ITGA7: variants seen among roughly 807,000 people sequenced by gnomAD.
The protein encoded by ITGA7 is integrin alpha-7.
Under a neutral mutation model 131.6 loss-of-function variants are expected in ITGA7, and 84 were observed. That is an observed-to-expected ratio of 0.64 (90% CI 0.54 to 0.77). The LOEUF is 0.77. Ranked by LOEUF, ITGA7 falls within the 30% of genes least tolerant of loss-of-function variation. The pLI is 0.00. For missense variants in ITGA7, 1,399 were observed against 1,482.9 expected, an observed-to-expected ratio of 0.94 and a Z score of 0.93; for synonymous variants, 548 against 600.7, an observed-to-expected ratio of 0.91 and a Z score of 1.28.
Position 55,698,804 on chromosome 12 carries a change from C to T in ITGA7, c.904G>A (p.Ala302Thr), listed in dbSNP as rs750041574. The change falls in exon 6 of 25, where the codon GCC (alanine) becomes ACC (threonine). Residue 302 changes from alanine to threonine, a missense_variant. Ala to Thr is a moderately conservative substitution (Grantham distance 58). Coordinates refer to ENST00000257879, the MANE Select transcript of ITGA7 (RefSeq NM_002206.3). Reference protein sequence around the residue: ...GAVVILRKDSASRLVPEVMLS... With the variant: ...GAVVILRKDSTSRLVPEVMLS... ...ATAACCTCGGGCACCAGGCGACTGGCGCTGTCCTTGCGCAGGATGACCACA... is the reference window on the plus strand; with the variant it reads ...ATAACCTCGGGCACCAGGCGACTGGTGCTGTCCTTGCGCAGGATGACCACA... The T allele has an allele frequency of 6.2e-6, 10 of 1,613,990 alleles. No homozygotes were observed. The highest frequency in any genetic ancestry group is 7.6e-6 in the Non-Finnish European group (9 of 1,180,028).
At chr12:55,693,360 C>CTTT in intron 19 of ITGA7, 43 bp from the exon 20 acceptor site, 39 of 1,221,626 alleles carry the variant, frequency 3.2e-5, no homozygotes, top group Non-Finnish European at 4.1e-5. Flanking sequence ...CTCAGTTTTT[C>CTTT]TTTTTTTTTT....
At position 55,700,924 on chromosome 12, in the gene ITGA7, C is replaced by G; in HGVS notation, c.645G>C (p.Gly215=). The part of the protein sequence containing the change: ...FSPDSHYLLF[G]APGTYNWKGL... Reference sequence around the variant, plus strand: ...CCTTCCAATTATAGGTTCCTGGGGCCCCAAAGAGGAGGTAGTGGCTATCAG... The same window carrying G: ...CCTTCCAATTATAGGTTCCTGGGGCGCCAAAGAGGAGGTAGTGGCTATCAG... The change falls in exon 4 of 25, where the codon GGG becomes GGC. Residue 215 remains glycine, a synonymous_variant. Coordinates refer to ENST00000257879, the MANE Select transcript of ITGA7 (RefSeq NM_002206.3). 1.2e-6 allele frequency: 2 copies of G among 1,614,180 alleles called. No individual in the cohort carries two copies. Among genetic ancestry groups the G allele is most frequent in the Non-Finnish European group, 1.7e-6 (2 of 1,180,026 alleles).
chr12:55,696,820 A>G (rs1397445788), intron 12 of ITGA7, 79 bp downstream of exon 12: 1 of 1,534,830 alleles, frequency 6.5e-7, no homozygotes, highest in Non-Finnish European at 9.0e-7. Flanking sequence ...TGTGCTCGGG[A>G]AAAAGCAGCT....
At chr12:55,697,659 C>G (rs756617940) in intron 9 of ITGA7, 36 bp downstream of exon 9, 1 of 1,614,038 alleles carries the variant, frequency 6.2e-7, no homozygotes, top group Non-Finnish European at 8.5e-7. Context: ...GAGGGGCTGA[C>G]GGCCTCAGGG....
At chr12:55,705,217 T>C (rs377079106) in intron 1 of ITGA7, among the ~76,000 whole-genome samples, 8 of 152,078 alleles carry the variant, frequency 5.3e-5, no homozygotes, top group Admixed American at 4.6e-4. Flanking sequence ...AAGAGACCAA[T>C]CGATCCTTAG....
chr12:55,694,398 A>C lies in ITGA7; in HGVS notation c.2357+45T>G. The C allele has an allele frequency of 6.2e-7, 1 of 1,612,218 alleles. No individual in the cohort carries two copies. On this transcript the variant is annotated intron_variant, in intron 17 of 24. Transcript: ENST00000257879. This position sits in a 1 kb window ranked among gnomAD's most constrained non-coding sequence, Gnocchi z 5.3. ...ACCTCCCAAGGGGTCAGATGAGGTC[A>C]ATATGACTACCCCCACCTCACCCTT... is the stretch of plus-strand genomic sequence containing the variant.
At chr12:55,709,079 A>C (rs1875781438), upstream of ITGA7, among the ~76,000 whole-genome samples, 1 of 152,164 alleles carries the variant, frequency 6.6e-6, no homozygotes, top group African/African-American at 2.4e-5. Context: ...GGTCTTGTGA[A>C]TATACATCTG....
At chr12:55,710,135 C>T (rs1379541826), upstream of ITGA7, among the ~76,000 whole-genome samples, 2 of 151,674 alleles carry the variant, frequency 1.3e-5, no homozygotes, top group South Asian at 2.1e-4. Flanking sequence ...CCGAAGCAGG[C>T]GGATCACCTG....
At chr12:55,686,135 A>G in intron 24 of ITGA7, 2 of 873,982 alleles carry the variant, frequency 2.3e-6, no homozygotes, top group Non-Finnish European at 1.6e-6. Flanking sequence ...AATGCTGGGA[A>G]TTCTCCTTAT....
intron 3 of ITGA7, among the ~76,000 whole-genome samples, chr12:55,702,447 C>T (rs1464005668): frequency 1.3e-5 from 2 of 152,010 alleles, no homozygotes; most frequent in Admixed American, 6.5e-5. Context: ...GGATTACAAG[C>T]GTGAGCCACC....
intron 14 of ITGA7, chr12:55,695,243 A>G (rs998194979): frequency 5.0e-6 from 3 of 595,106 alleles, no homozygotes; most frequent in Admixed American, 3.0e-5. Context: ...GACTAATATA[A>G]TTCCTACCTC....
intron 1 of ITGA7, among the ~76,000 whole-genome samples, chr12:55,705,047 C>T (rs1432883738): frequency 3.3e-5 from 5 of 152,176 alleles, no homozygotes; most frequent in Admixed American, 2.0e-4. Context: ...TAGAGATACC[C>T]AGTGTCACAG....
intron 3 of ITGA7, 51 bp downstream of exon 3, chr12:55,702,821 A>T (rs2136070453): frequency 6.7e-7 from 1 of 1,488,942 alleles, no homozygotes; most frequent in African/African-American, 1.4e-5. Flanking sequence ...CCATAAACAC[A>T]CACACACACA....
At position 55,685,192 on chromosome 12, in the gene ITGA7, C is replaced by T; in HGVS notation, c.3280G>A (p.Glu1094Lys). 1 of 1,614,208 alleles carries T rather than the reference C, an allele frequency of 6.2e-7. No individual in the cohort carries two copies. Among genetic ancestry groups the T allele is most frequent in the Non-Finnish European group, 8.5e-7 (1 of 1,180,026 alleles). The change falls in exon 25 of 25, where the codon GAG (glutamate) becomes AAG (lysine). Residue 1094 changes from glutamate to lysine, a missense_variant. Physicochemically the swap from Glu to Lys is moderately conservative, Grantham distance 56. Coordinates refer to ENST00000257879, the MANE Select transcript of ITGA7 (RefSeq NM_002206.3). ...PREDRQQFKE[E>K]KTGTILRNNW... Reference sequence around the variant, plus strand: ...TTCCTCAGGATGGTGCCCGTCTTCTCCTCCTTGAACTGCTGTCGGTCTTCC... The same window carrying T: ...TTCCTCAGGATGGTGCCCGTCTTCTTCTCCTTGAACTGCTGTCGGTCTTCC...
intron 4 of ITGA7, 62 bp downstream of exon 4, chr12:55,700,837 C>T (rs1246847371): frequency 1.9e-6 from 3 of 1,609,248 alleles, no homozygotes; most frequent in East Asian, 2.2e-5. Context: ...CCATCCCCAA[C>T]CCTGTCTCTG....
chr12:55,695,160 T>C (rs901540783), intron 14 of ITGA7, 190 bp from the exon 15 acceptor site: 30 of 622,172 alleles, frequency 4.8e-5, no homozygotes, highest in Non-Finnish European at 8.2e-5. Context: ...CGTTCTCATC[T>C]CAGCTCCACC....
At chr12:55,689,567 C>T (rs185079789) in intron 21 of ITGA7, among the ~76,000 whole-genome samples, 14 of 152,316 alleles carry the variant, frequency 9.2e-5, no homozygotes, top group East Asian at 1.9e-4. Flanking sequence ...CACCACCTCA[C>T]GACCCATTTG....
chr12:55,707,849 C>T lies in ITGA7; in HGVS notation c.-167G>A, dbSNP rs1207095516. The T allele has an allele frequency of 5.4e-6, 8 of 1,468,798 alleles. 1 individual carries two copies. The Admixed American group carries it at 1.3e-4, about 25-fold the overall frequency. 91.0% of individuals were successfully genotyped at this position (1,468,798 alleles called of 1,614,324 possible). A position where few individuals can be genotyped will look rare whatever the true frequency, so the allele number is the denominator to read the frequency against. The stretch of plus-strand genomic sequence containing the variant: ...TCCCGCCCGCCCGCCGCTCCGCCAC[C>T]CCGCCGCCCCAGCACCGGCTAGGAC... On this transcript the variant is annotated 5_prime_UTR_variant, in exon 1 of 25. Coordinates refer to ENST00000257879, the MANE Select transcript of ITGA7 (RefSeq NM_002206.3).
chr12:55,688,738 G>T lies in ITGA7; in HGVS notation c.2958+106C>A, dbSNP rs540176161. ...ACTCCGTCTCAAAAAAAAAAAAAAG[G>T]GGGGGGATGCTGCATTTGGACAGTG... On this transcript the variant is annotated intron_variant, in intron 22 of 24. Coordinates refer to ENST00000257879, the MANE Select transcript of ITGA7 (RefSeq NM_002206.3). The T allele has an allele frequency of 4.9e-5, 41 of 844,174 alleles. No homozygotes were observed. In the African/African-American group the frequency reaches 5.4e-4, roughly 11 times the overall value. The allele number at this position is 844,174 out of a possible 1,614,324, so 52.3% of individuals were successfully genotyped here. A position where few individuals can be genotyped will look rare whatever the true frequency, so the allele number is the denominator to read the frequency against.
Sources: allele counts gnomAD v4.1 joint callset (sites outside exome capture counted in the v4.1 genomes callset), GRCh38; gene constraint gnomAD v4.1.1; non-coding constraint Gnocchi (gnomAD v3.1); transcripts MANE v1.5; gene names NCBI Gene and HGNC (gene_info 2026-07-23, HGNC 2026-07-21).